Variants in CALML4 observed in about 807,000 individuals in gnomAD.
CALML4 encodes the protein calmodulin-like protein 4.
Under a neutral mutation model 17.9 loss-of-function variants are expected in CALML4, and 16 were observed. That is an observed-to-expected ratio of 0.89 (90% CI 0.61 to 1.36). The LOEUF (loss-of-function observed/expected upper bound fraction) is 1.36, where lower values mean the gene tolerates loss of function less well. Ranked by LOEUF, CALML4 falls within the 40% of genes most tolerant of loss-of-function variation. CALML4 has a pLI of 0.00. For synonymous variants in CALML4, 86 were observed against 71.5 expected (o/e 1.20, Z -1.02); for missense variants, 203 against 194.8 (o/e 1.04, Z -0.25).
chr15:68,202,958 G>A (rs920378493), intron 2 of CALML4, among the ~76,000 whole-genome samples: 1 of 152,078 alleles, frequency 6.6e-6, no homozygotes, highest in African/African-American at 2.4e-5. Flanking sequence ...GGAATTACAG[G>A]TGCCTGCCAG....
chr15:68,201,087 T>C (rs1374672443), intron 2 of CALML4, among the ~76,000 whole-genome samples: 3 of 152,162 alleles, frequency 2.0e-5, no homozygotes, highest in African/African-American at 7.2e-5. Context: ...CAGGCCTCCC[T>C]GGTAGGATTT....
In CALML4 at chr15:68,192,115, C is replaced by T. The variant is rs1384027650; in HGVS notation, c.*1900G>A. 1 of 152,226 alleles carries T rather than the reference C, an allele frequency of 6.6e-6. No homozygotes were observed. Among genetic ancestry groups the T allele is most frequent in the Admixed American group, 6.5e-5 (1 of 15,280 alleles). The allele number at this position is 152,226 out of a possible 1,614,324, so 9.4% of individuals were successfully genotyped here. On this transcript the variant is annotated 3_prime_UTR_variant, in exon 5 of 5. Transcript: ENST00000467889. ...CTTGCTCTTCCTGTGCCATCTAAAT[C>T]ATTGGTATCTATCTCCCATCTAATC...
Position 68,197,343 on chromosome 15 carries a change from G to GTC in CALML4, c.364+95_364+96dup, listed in dbSNP as rs1483621771. On this transcript the variant is annotated intron_variant, in intron 4 of 4. Coordinates refer to ENST00000467889, the MANE Select transcript of CALML4 (RefSeq NM_033429.3). The surrounding 1 kb of genome is among the most constrained non-coding windows in gnomAD (Gnocchi z 4.1). ...TCCTGCGCGCGCATCAACAGAGGTG[G>GTC]TCTGTACCACCCTGGTGGCATCAGC... 1 of 1,221,318 alleles carries GTC rather than the reference G, an allele frequency of 8.2e-7. No homozygotes were observed. The highest frequency in any genetic ancestry group is 1.5e-5 in the African/African-American group (1 of 66,054). The allele number at this position is 1,221,318 out of a possible 1,614,324, so 75.7% of individuals were successfully genotyped here.
rs2093121372 is a variant in CALML4 at position 68,191,761 on chromosome 15, C to G, written c.*2254G>C. ...AAACAACACTAGGTGCTAGAGAAAC[C>G]AGCTGGAATTTCAGGAATGAGCTTG... On this transcript the variant is annotated 3_prime_UTR_variant, in exon 5 of 5. Coordinates refer to ENST00000467889, the MANE Select transcript of CALML4 (RefSeq NM_033429.3). 6.6e-6 allele frequency: 1 copy of G among 152,174 alleles called. No homozygotes were observed. Among genetic ancestry groups the G allele is most frequent in the Non-Finnish European group, 1.5e-5 (1 of 68,030 alleles). 9.4% of individuals were successfully genotyped at this position (152,174 alleles called of 1,614,324 possible).
chr15:68,205,424 A>G (rs2093180015), upstream of CALML4: 1 of 1,609,302 alleles, frequency 6.2e-7, no homozygotes, highest in Non-Finnish European at 8.5e-7. This position sits in a 1 kb window ranked among gnomAD's most constrained non-coding sequence, Gnocchi z 4.8. Flanking sequence ...CTTCCTGAGC[A>G]CAGCTCATGA....
Position 68,199,618 on chromosome 15 carries a change from AGGTC to A in CALML4, c.94_97del (p.Asp32SerfsTer5). 6.2e-7 allele frequency: 1 copy of A among 1,613,518 alleles called. No individual in the cohort carries two copies. Among genetic ancestry groups the A allele is most frequent in the Non-Finnish European group, 8.5e-7 (1 of 1,179,892 alleles). On this transcript the variant is annotated frameshift_variant, in exon 3 of 5. Coordinates refer to ENST00000467889, the MANE Select transcript of CALML4 (RefSeq NM_033429.3). LOFTEE classifies it high-confidence loss of function. Reference sequence around the variant, plus strand: ...CCCCAGGCACCTCATGGCCACCATGAGGTCGGTGGCTTTTATCTTCCCCCTCTGC... The same window carrying A: ...CCCCAGGCACCTCATGGCCACCATGAGGTGGCTTTTATCTTCCCCCTCTGC...
At chr15:68,203,246 A>G (rs11630382) in intron 2 of CALML4, among the ~76,000 whole-genome samples, 84,283 of 152,012 alleles carry the variant, frequency 0.55, 23,933 homozygotes, top group African/African-American at 0.62. Context: ...CACTGCACTC[A>G]GCCCAAGTTT....
chr15:68,192,046 A>C lies in CALML4; in HGVS notation c.*1969T>G, dbSNP rs1267688531. ...ACTATTCAGTGATAAATATAGACATAGAAAAGCTTTGACGGAAAGTACCCT... is the reference window on the plus strand; with the variant it reads ...ACTATTCAGTGATAAATATAGACATCGAAAAGCTTTGACGGAAAGTACCCT... On this transcript the variant is annotated 3_prime_UTR_variant, in exon 5 of 5. Transcript: ENST00000467889. 6.6e-6 allele frequency: 1 copy of C among 152,236 alleles called. No homozygotes were observed. The highest frequency in any genetic ancestry group is 1.9e-4 in the East Asian group (1 of 5,204). The allele number at this position is 152,236 out of a possible 1,614,324, so 9.4% of individuals were successfully genotyped here.
chr15:68,197,147 CAG>C lies in CALML4; in HGVS notation c.364+291_364+292del, dbSNP rs143097974. 0.47 allele frequency among the ~76,000 whole-genome samples: 71,957 copies of C among 151,748 alleles called. 17,827 individuals are homozygous for C. The highest frequency in any genetic ancestry group is 0.55 in the Middle Eastern group (163 of 294). On this transcript the variant is annotated intron_variant, in intron 4 of 4. Coordinates refer to ENST00000467889, the MANE Select transcript of CALML4 (RefSeq NM_033429.3). This position sits in a 1 kb window ranked among gnomAD's most constrained non-coding sequence, Gnocchi z 4.1. The stretch of plus-strand genomic sequence containing the variant: ...AAGCCCCACAGTGAGAGCTTGAACA[CAG>C]GGGGAGACCAGACTGCACGCTCCAG...
chr15:68,197,849 G>C lies in CALML4; in HGVS notation c.176-221C>G. 1.9e-6 allele frequency: 1 copy of C among 529,306 alleles called. No individual in the cohort carries two copies. The highest frequency in any genetic ancestry group is 1.9e-5 in the African/African-American group (1 of 52,708). The allele number at this position is 529,306 out of a possible 1,614,324, so 32.8% of individuals were successfully genotyped here. A position where few individuals can be genotyped will look rare whatever the true frequency, so the allele number is the denominator to read the frequency against. On this transcript the variant is annotated intron_variant, in intron 3 of 4. Coordinates refer to ENST00000467889, the MANE Select transcript of CALML4 (RefSeq NM_033429.3). This position sits in a 1 kb window ranked among gnomAD's most constrained non-coding sequence, Gnocchi z 4.1. ...ATTCTTCATTTCAGCAACGTCCTCAGTGACGATGCTTATCATCACCCCAAA... is the reference window on the plus strand; with the variant it reads ...ATTCTTCATTTCAGCAACGTCCTCACTGACGATGCTTATCATCACCCCAAA...
At position 68,204,057 on chromosome 15, in the gene CALML4, G is replaced by A. The variant is rs941824216; in HGVS notation, c.34+1064C>T. ...GACCTGGACAAGAGGGCACTGCCCC[G>A]GGCCCTGTGTTTTAAAAGTCCCTGC... On this transcript the variant is annotated intron_variant, in intron 2 of 4. Coordinates refer to ENST00000467889, the MANE Select transcript of CALML4 (RefSeq NM_033429.3). The surrounding 1 kb of genome is among the most constrained non-coding windows in gnomAD (Gnocchi z 6.0). Among the ~76,000 whole-genome samples the A allele has an allele frequency of 1.3e-5, 2 of 152,204 alleles. No homozygotes were observed. The highest frequency in any genetic ancestry group is 1.9e-4 in the East Asian group (1 of 5,166).
intron 4 of CALML4, among the ~76,000 whole-genome samples, chr15:68,195,135 A>G (rs907119144): frequency 6.6e-6 from 1 of 151,880 alleles, no homozygotes; most frequent in African/African-American, 2.4e-5. Flanking sequence ...GGCGTTGGCA[A>G]GAGCCATTTC....
intron 4 of CALML4, among the ~76,000 whole-genome samples, chr15:68,195,098 C>T (rs1198619864): frequency 1.3e-5 from 2 of 151,864 alleles, no homozygotes; most frequent in South Asian, 4.2e-4. Context: ...GTTCTGGATT[C>T]CTGGGATAAA....
chr15:68,205,232 C>A lies in CALML4; in HGVS notation c.3+13G>T, dbSNP rs2141132382. 1.9e-6 allele frequency: 3 copies of A among 1,614,116 alleles called. No homozygotes were observed. Among genetic ancestry groups the A allele is most frequent in the Non-Finnish European group, 1.7e-6 (2 of 1,180,016 alleles). Reference sequence around the variant, plus strand: ...CCAGCCCTGGCCAGGCCGACACAGACCCTCACACTCACCATTCTGGGGCCT... The same window carrying A: ...CCAGCCCTGGCCAGGCCGACACAGAACCTCACACTCACCATTCTGGGGCCT... On this transcript the variant is annotated intron_variant, in intron 1 of 4. Transcript: ENST00000467889. The surrounding 1 kb of genome is among the most constrained non-coding windows in gnomAD (Gnocchi z 4.8).
rs1017422483 is a variant in CALML4, at chr15:68,191,589, CTAAT to C, written c.*2422_*2425del. ...ATTTCAAAGCATGACAAGTAACTAA[CTAAT>C]TTTCTTGCAGCATGCTTTGAGGTAA... On this transcript the variant is annotated 3_prime_UTR_variant, in exon 5 of 5. Transcript: ENST00000467889. 2.0e-5 allele frequency: 3 copies of C among 152,594 alleles called. No individual in the cohort carries two copies. The highest frequency in any genetic ancestry group is 7.2e-5 in the African/African-American group (3 of 41,456). The allele number at this position is 152,594 out of a possible 1,614,324, so 9.5% of individuals were successfully genotyped here.
In CALML4 at chr15:68,193,935, C is replaced by G; in HGVS notation, c.*80G>C. On this transcript the variant is annotated 3_prime_UTR_variant, in exon 5 of 5. Transcript: ENST00000467889. Reference sequence around the variant, plus strand: ...TTGCCACTGTGTTTGCCATCTCTCCCAAGTGAAAAGAACACTTTTTAAAAA... The same window carrying G: ...TTGCCACTGTGTTTGCCATCTCTCCGAAGTGAAAAGAACACTTTTTAAAAA... 1.0e-6 allele frequency: 1 copy of G among 977,710 alleles called. No homozygotes were observed. 60.6% of individuals were successfully genotyped at this position (977,710 alleles called of 1,614,324 possible). A position where few individuals can be genotyped will look rare whatever the true frequency, so the allele number is the denominator to read the frequency against.
rs1479203852 is a variant in CALML4 at position 68,191,011 on chromosome 15, A to T, written c.*3004T>A. The T allele has an allele frequency of 2.6e-5, 4 of 152,538 alleles. No homozygotes were observed. The highest frequency in any genetic ancestry group is 9.6e-5 in the African/African-American group (4 of 41,592). The allele number at this position is 152,538 out of a possible 1,614,324, so 9.4% of individuals were successfully genotyped here. Reference sequence around the variant, plus strand: ...TTTAGACAATTTCAATTTTAAACACATAAAACTTTCAAGATCTTCAGGACT... The same window carrying T: ...TTTAGACAATTTCAATTTTAAACACTTAAAACTTTCAAGATCTTCAGGACT... On this transcript the variant is annotated 3_prime_UTR_variant, in exon 5 of 5. Coordinates refer to ENST00000467889, the MANE Select transcript of CALML4 (RefSeq NM_033429.3).
intron 4 of CALML4, among the ~76,000 whole-genome samples, chr15:68,195,515 A>G (rs1448765683): frequency 6.6e-6 from 1 of 152,170 alleles, no homozygotes; most frequent in Non-Finnish European, 1.5e-5. Context: ...GGCGAGGGAC[A>G]GCACTTAGCC....
chr15:68,199,923 T>C (rs1286376855), intron 2 of CALML4: 12 of 366,712 alleles, frequency 3.3e-5, no homozygotes, highest in Non-Finnish European at 5.8e-5. Context: ...ATAGGACATA[T>C]ACTTCTATTG....
Sources: gnomAD v4.1 joint callset for allele counts (sites outside exome capture counted in the v4.1 genomes callset) on GRCh38, gnomAD v4.1.1 for gene constraint, Gnocchi (gnomAD v3.1) non-coding constraint, MANE v1.5 for transcripts, NCBI Gene and HGNC (gene_info 2026-07-23, HGNC 2026-07-21) for gene names.